Variants in AFTPH observed in about 807,000 individuals in gnomAD.
AFTPH encodes the protein aftiphilin.
AFTPH carries 7 observed loss-of-function variants against 72.5 expected under a neutral mutation model. The observed-to-expected ratio is 0.10, with a 90% CI of 0.05 to 0.18. The LOEUF is 0.18. Ranked by LOEUF, AFTPH falls within the 10% of genes least tolerant of loss-of-function variation. The pLI is 1.00. For missense variants in AFTPH, 979 were observed against 1,060.5 expected (o/e 0.92, Z 1.07); for synonymous variants, 337 against 370.1 (o/e 0.91, Z 1.03).
intron 1 of AFTPH, among the ~76,000 whole-genome samples, chr2:64,532,387 T>A (rs1198996671): frequency 6.6e-6 from 1 of 152,190 alleles, no homozygotes; most frequent in African/African-American, 2.4e-5. Flanking sequence ...TGATCAAATT[T>A]GACTTTTAAA....
intron 1 of AFTPH, among the ~76,000 whole-genome samples, chr2:64,543,826 C>T (rs989740512): frequency 6.6e-6 from 1 of 152,188 alleles, no homozygotes; most frequent in African/African-American, 2.4e-5. Flanking sequence ...CCTTTTGACC[C>T]CAGAGCTTAC....
intron 1 of AFTPH, among the ~76,000 whole-genome samples, chr2:64,547,110 C>T (rs1025885214): frequency 1.3e-5 from 2 of 152,154 alleles, no homozygotes; most frequent in African/African-American, 2.4e-5. Context: ...AACCTTGATA[C>T]ATTGCTGCTA....
chr2:64,555,612 A>T (rs1671312330), intron 2 of AFTPH, among the ~76,000 whole-genome samples: 2 of 150,186 alleles, frequency 1.3e-5, no homozygotes, highest in Admixed American at 6.6e-5. Context: ...ACTTTCTTGG[A>T]TTTGTTTGGC....
At chr2:64,530,184 A>G (rs1340100444) in intron 1 of AFTPH, among the ~76,000 whole-genome samples, 5 of 152,046 alleles carry the variant, frequency 3.3e-5, no homozygotes, top group African/African-American at 1.2e-4. Flanking sequence ...CAAATCCCTC[A>G]CTGTTACAGT....
At chr2:64,576,139 ACG>A (rs1491159053) in intron 6 of AFTPH, among the ~76,000 whole-genome samples, 13 of 121,974 alleles carry the variant, frequency 1.1e-4, no homozygotes, top group East Asian at 2.2e-4. Context: ...CAAATGAAAT[ACG>A]TGTGTGTGTG....
chr2:64,562,181 T>C (rs1671783208), intron 2 of AFTPH, among the ~76,000 whole-genome samples: 1 of 152,122 alleles, frequency 6.6e-6, no homozygotes, highest in African/African-American at 2.4e-5. Flanking sequence ...TCAAGCATAA[T>C]ATGGTATATG....
At chr2:64,556,678 G>T (rs921308228) in intron 2 of AFTPH, among the ~76,000 whole-genome samples, 2 of 152,098 alleles carry the variant, frequency 1.3e-5, no homozygotes, top group Non-Finnish European at 2.9e-5. Context: ...ATATGTCTTC[G>T]TTGGGGTTAG....
chr2:64,570,168 A>G (rs934687649), intron 5 of AFTPH, among the ~76,000 whole-genome samples: 2 of 152,154 alleles, frequency 1.3e-5, no homozygotes, highest in Non-Finnish European at 2.9e-5. Flanking sequence ...AATGTGTTGA[A>G]TTTTGTTTTT....
chr2:64,552,144 G>A (rs751003263), exon 2 of AFTPH: 2 of 1,614,094 alleles, frequency 1.2e-6, no homozygotes, highest in Admixed American at 1.7e-5. Context: ...TTTAGACTCT[G>A]TACCTAGTCC....
intron 3 of AFTPH, among the ~76,000 whole-genome samples, chr2:64,568,339 G>T (rs1672213735): frequency 6.6e-6 from 1 of 151,786 alleles, no homozygotes. Context: ...ACTTCTTCCT[G>T]GACTTCTCTT....
At chr2:64,571,359 G>A (rs938947891) in intron 5 of AFTPH, among the ~76,000 whole-genome samples, 69 of 152,076 alleles carry the variant, frequency 4.5e-4, no homozygotes, top group African/African-American at 1.5e-3. Flanking sequence ...GCTGATTGGG[G>A]ATCACAATTT....
At chr2:64,569,623 C>G (rs1672300087) in exon 5 of AFTPH, 1 of 1,613,474 alleles carries the variant, frequency 6.2e-7, no homozygotes, top group African/African-American at 1.3e-5. Context: ...GTGTGTGTAG[C>G]TCTTCACGGG....
At chr2:64,546,425 T>C (rs2103896639) in intron 1 of AFTPH, among the ~76,000 whole-genome samples, 1 of 152,318 alleles carries the variant, frequency 6.6e-6, no homozygotes. Flanking sequence ...GTCTAATATA[T>C]GCCAAAGTCT....
intron 7 of AFTPH, among the ~76,000 whole-genome samples, chr2:64,583,244 T>C (rs1351266442): frequency 2.0e-5 from 3 of 151,602 alleles, no homozygotes; most frequent in African/African-American, 7.3e-5. Flanking sequence ...GTGTGAGACT[T>C]AGGAGGTTGG....
intron 2 of AFTPH, among the ~76,000 whole-genome samples, chr2:64,566,559 T>TA (rs1378341877): frequency 6.6e-6 from 1 of 152,206 alleles, no homozygotes; most frequent in African/African-American, 2.4e-5. Context: ...ATAGTAAACT[T>TA]AATCTTACAA....
intron 3 of AFTPH, among the ~76,000 whole-genome samples, chr2:64,568,062 T>C (rs1413464288): frequency 2.0e-5 from 3 of 151,910 alleles, no homozygotes; most frequent in South Asian, 2.1e-4. Flanking sequence ...AAATTAAGGC[T>C]CAAAAACATT....
chr2:64,555,577 A>T (rs1047989082), intron 2 of AFTPH, among the ~76,000 whole-genome samples: 1 of 151,336 alleles, frequency 6.6e-6, no homozygotes, highest in African/African-American at 2.4e-5. Context: ...ACACACACAC[A>T]CACACACACA....
At chr2:64,544,858 G>A (rs1481363739) in intron 1 of AFTPH, among the ~76,000 whole-genome samples, 1 of 152,116 alleles carries the variant, frequency 6.6e-6, no homozygotes, top group Non-Finnish European at 1.5e-5. Flanking sequence ...ACCTGCTGCA[G>A]GGGATCATGC....
At chr2:64,590,770 A>G (rs1673783510) in intron 8 of AFTPH, among the ~76,000 whole-genome samples, 1 of 152,210 alleles carries the variant, frequency 6.6e-6, no homozygotes, top group Admixed American at 6.5e-5. Flanking sequence ...CATTCATTCT[A>G]TAAAATCTTT....
Sources: allele counts gnomAD v4.1 joint callset (sites outside exome capture counted in the v4.1 genomes callset), GRCh38; gene constraint gnomAD v4.1.1; transcripts MANE v1.5; gene names NCBI Gene and HGNC (gene_info 2026-07-23, HGNC 2026-07-21).